SMARCA4: variants seen among roughly 807,000 people sequenced by gnomAD.
SMARCA4 encodes the protein SWI/SNF related BAF chromatin remodeling complex subunit ATPase 4.
In SMARCA4, 31 loss-of-function variants were observed where a neutral mutation model predicts 193.9. The ratio of observed to expected loss-of-function variants is 0.16; its 90% CI spans 0.12 to 0.22. The LOEUF (loss-of-function observed/expected upper bound fraction) is 0.22, where lower values mean the gene tolerates loss of function less well. SMARCA4 is among the 10% of genes least tolerant of loss of function. SMARCA4 has a pLI of 1.00. For synonymous variants in SMARCA4, 942 were observed against 933.1 expected, an observed-to-expected ratio of 1.01 and a Z score of -0.17; for missense variants, 1,148 against 2,296.0, an observed-to-expected ratio of 0.50 and a Z score of 10.22.
chr19:11,039,183 G>A (rs192131558), intron 29 of SMARCA4, among the ~76,000 whole-genome samples: 18 of 152,278 alleles, frequency 1.2e-4, no homozygotes, highest in African/African-American at 3.6e-4. Flanking sequence ...GCAAAAACCC[G>A]TTTCTACTAA....
intron 29 of SMARCA4, among the ~76,000 whole-genome samples, chr19:11,038,446 C>T (rs1294942238): frequency 6.6e-6 from 1 of 152,220 alleles, no homozygotes; most frequent in Non-Finnish European, 1.5e-5. Flanking sequence ...CCTGGTGCCT[C>T]CTGCCTGCTG....
chr19:10,963,917 G>A (rs560591848), intron 1 of SMARCA4, among the ~76,000 whole-genome samples: 1 of 152,164 alleles, frequency 6.6e-6, no homozygotes, highest in East Asian at 1.9e-4. Context: ...CCTGGGTGAC[G>A]AAGCGAGACC....
chr19:10,976,283 T>C (rs1192429248), intron 1 of SMARCA4, among the ~76,000 whole-genome samples: 1 of 152,182 alleles, frequency 6.6e-6, no homozygotes, highest in Non-Finnish European at 1.5e-5. Context: ...CCTTCCCGTG[T>C]AGACATCTCG....
At position 10,985,700 on chromosome 19, in the gene SMARCA4, C is replaced by G. The variant is rs78923731; in HGVS notation, c.355+295C>G. Among the ~76,000 whole-genome samples the G allele has an allele frequency of 0.032, 4,855 of 152,294 alleles. 116 individuals carry two copies. Among genetic ancestry groups the G allele is most frequent in the Non-Finnish European group, 0.041 (2,781 of 68,006 alleles). ...CAGCCCCGTGCCACCCAGGAACTTA[C>G]TGGAAATACAGATTCCTGGGGCCTG... is the stretch of plus-strand genomic sequence containing the variant. On this transcript the variant is annotated intron_variant, in intron 3 of 34. Transcript: ENST00000344626. The surrounding 1 kb of genome is among the most constrained non-coding windows in gnomAD (Gnocchi z 4.5).
Position 11,033,142 on chromosome 19 carries a change from G to A in SMARCA4, c.3547-148G>A. 1.4e-6 allele frequency: 1 copy of A among 710,432 alleles called. No homozygotes were observed. The highest frequency in any genetic ancestry group is 2.5e-6 in the Non-Finnish European group (1 of 392,280). 44.0% of individuals were successfully genotyped at this position (710,432 alleles called of 1,614,324 possible). A position where few individuals can be genotyped will look rare whatever the true frequency, so the allele number is the denominator to read the frequency against. ...TGGCGGCCCAGGCTCCACCAGCTCT[G>A]TTTTCATGCGGCGGCAGGTCAGGCT... On this transcript the variant is annotated intron_variant, in intron 25 of 34. Coordinates refer to ENST00000344626, the MANE Select transcript of SMARCA4 (RefSeq NM_003072.5). This position sits in a 1 kb window ranked among gnomAD's most constrained non-coding sequence, Gnocchi z 9.8.
In SMARCA4 at chr19:11,042,502, C is replaced by T. The variant is rs572948713; in HGVS notation, c.4424+942C>T. 2.6e-5 allele frequency among the ~76,000 whole-genome samples: 4 copies of T among 152,272 alleles called. No individual in the cohort carries two copies. The South Asian group carries it at 6.2e-4, about 24-fold the overall frequency. ...ACACACTGGCCAGTACGGCTGTCCC[C>T]GTAATGGGAGGGTTGTACTGTTTGA... On this transcript the variant is annotated intron_variant, in intron 30 of 34. Coordinates refer to ENST00000344626, the MANE Select transcript of SMARCA4 (RefSeq NM_003072.5).
rs766872743 is a variant in SMARCA4, at chr19:10,989,365, C to G, written c.1167C>G (p.Pro389=). 1 of 1,614,110 alleles carries G rather than the reference C, an allele frequency of 6.2e-7. No individual in the cohort carries two copies. Among genetic ancestry groups the G allele is most frequent in the Non-Finnish European group, 8.5e-7 (1 of 1,179,970 alleles). The change falls in exon 7 of 35, where the codon CCC becomes CCG. Residue 389 remains proline, a synonymous_variant. Coordinates refer to ENST00000344626, the MANE Select transcript of SMARCA4 (RefSeq NM_003072.5). ...AHRIQELENL[P]GSLAGDLRTK... ...GAATTCAGGAACTTGAAAACCTTCC[C>G]GGGTCCCTGGCCGGGGATTTGCGAA... is the stretch of plus-strand genomic sequence containing the variant.
intron 9 of SMARCA4, 106 bp downstream of exon 9, chr19:10,995,107 G>A (rs2086902785): frequency 9.3e-7 from 1 of 1,078,158 alleles, no homozygotes; most frequent in Non-Finnish European, 1.4e-6. Flanking sequence ...ACAGCTCGGA[G>A]TTAGAGGTGG....
At chr19:10,971,986 C>T (rs1265783355) in intron 1 of SMARCA4, among the ~76,000 whole-genome samples, 2 of 147,900 alleles carry the variant, frequency 1.4e-5, no homozygotes, top group Non-Finnish European at 3.0e-5. Context: ...GACGGAGTCT[C>T]GCTCTGTCAC....
intron 29 of SMARCA4, chr19:11,040,449 A>G (rs144834811): frequency 0.025 from 3,804 of 150,522 alleles, 82 homozygotes; most frequent in Non-Finnish European, 0.041. Context: ...AAAATTAGCT[A>G]GGCGTGGTGG....
intron 24 of SMARCA4, among the ~76,000 whole-genome samples, chr19:11,028,296 C>T (rs1322088499): frequency 6.6e-6 from 1 of 152,200 alleles, no homozygotes; most frequent in Non-Finnish European, 1.5e-5. Context: ...AGCTCTAACC[C>T]CAGGAGGTTA....
In SMARCA4 at chr19:11,007,850, T is replaced by TC. The variant is rs2088382751; in HGVS notation, c.2002-46dup. 3.7e-6 allele frequency: 6 copies of TC among 1,606,230 alleles called. No homozygotes were observed. The Admixed American group carries it at 8.3e-5, about 22-fold the overall frequency. On this transcript the variant is annotated intron_variant, in intron 13 of 34. Coordinates refer to ENST00000344626, the MANE Select transcript of SMARCA4 (RefSeq NM_003072.5). ...GACTGTTCTCCCCATGGGAGTCCCG[T>TC]CCCCCCTCTCTGGGGGATGAACTGA...
At chr19:10,996,048 G>A (rs2087007276) in intron 9 of SMARCA4, 165 bp from the exon 10 acceptor site, 2 of 778,190 alleles carry the variant, frequency 2.6e-6, no homozygotes, top group Admixed American at 3.6e-5. Context: ...GGGTTTTGAG[G>A]AAATGATTCC....
In SMARCA4 at chr19:11,002,567, C is replaced by T. The variant is rs1232124708; in HGVS notation, c.1813-462C>T. Among the ~76,000 whole-genome samples, 3 of 152,190 alleles carry T rather than the reference C, an allele frequency of 2.0e-5. No homozygotes were observed. The East Asian group carries it at 5.8e-4, about 29-fold the overall frequency. On this transcript the variant is annotated intron_variant, in intron 11 of 34. Coordinates refer to ENST00000344626, the MANE Select transcript of SMARCA4 (RefSeq NM_003072.5). Reference sequence around the variant, plus strand: ...ATCCCAGCACTTTGGGAGGCCAAGGCGGGTGGATCACATGAGGCCAGAAGT... The same window carrying T: ...ATCCCAGCACTTTGGGAGGCCAAGGTGGGTGGATCACATGAGGCCAGAAGT...
chr19:10,966,287 T>G (rs202023660), intron 1 of SMARCA4, among the ~76,000 whole-genome samples: 3 of 152,022 alleles, frequency 2.0e-5, no homozygotes, highest in East Asian at 3.9e-4. Context: ...CCCGGCCAGG[T>G]TTTTAAAAAT....
In SMARCA4 at chr19:11,008,800, C is replaced by T. The variant is rs1012578023; in HGVS notation, c.2123+777C>T. On this transcript the variant is annotated intron_variant, in intron 14 of 34. Coordinates refer to ENST00000344626, the MANE Select transcript of SMARCA4 (RefSeq NM_003072.5). ...ACCAGCCTGGCCAACTTGGTGAAACCGCATCTCTACTAAAAATACAAAAAT... is the reference window on the plus strand; with the variant it reads ...ACCAGCCTGGCCAACTTGGTGAAACTGCATCTCTACTAAAAATACAAAAAT... Among the ~76,000 whole-genome samples the T allele has an allele frequency of 9.2e-5, 14 of 151,458 alleles. No homozygotes were observed. In the East Asian group the frequency reaches 1.6e-3, roughly 17 times the overall value.
At chr19:10,999,260 T>C (rs1407419877) in intron 11 of SMARCA4, among the ~76,000 whole-genome samples, 3 of 152,076 alleles carry the variant, frequency 2.0e-5, no homozygotes, top group Non-Finnish European at 4.4e-5. Flanking sequence ...ACTTTGGGGG[T>C]GCTTCCTGCT....
In SMARCA4 at chr19:10,987,883, G is replaced by C. The variant is rs1555755272; in HGVS notation, c.1077G>C (p.Arg359=). The C allele has an allele frequency of 6.2e-7, 1 of 1,613,080 alleles. No homozygotes were observed. The highest frequency in any genetic ancestry group is 8.5e-7 in the Non-Finnish European group (1 of 1,179,922). ...GCATCACCCCCATCCAGAAGCCGCGGGGCCTCGACCCTGTGGAGATCCTGC... is the reference window on the plus strand; with the variant it reads ...GCATCACCCCCATCCAGAAGCCGCGCGGCCTCGACCCTGTGGAGATCCTGC... ...QSRITPIQKP[R]GLDPVEILQE... is the part of the protein sequence containing the mutation. The change falls in exon 6 of 35, where the codon CGG becomes CGC. Residue 359 remains arginine (R), a synonymous_variant. Transcript: ENST00000344626. The surrounding 1 kb of genome is among the most constrained non-coding windows in gnomAD (Gnocchi z 5.3).
chr19:10,996,892 A>G (rs774740490), intron 11 of SMARCA4, among the ~76,000 whole-genome samples: 2 of 152,096 alleles, frequency 1.3e-5, no homozygotes, highest in African/African-American at 2.4e-5. Flanking sequence ...TTTCTTTGAG[A>G]CAGGGTCTCT....
Sources: gnomAD v4.1 joint callset for allele counts (sites outside exome capture counted in the v4.1 genomes callset) on GRCh38, gnomAD v4.1.1 for gene constraint, Gnocchi (gnomAD v3.1) non-coding constraint, MANE v1.5 for transcripts, NCBI Gene and HGNC (gene_info 2026-07-23, HGNC 2026-07-21) for gene names.